The following RAPGEF2 variants were observed in gnomAD, a reference collection of about 807,000 sequenced individuals.
RAPGEF2 encodes PDZ domain containing guanine nucleotide exchange factor (GEF) 1.
In RAPGEF2, 54 loss-of-function variants were observed where a neutral mutation model predicts 186.7. The ratio of observed to expected loss-of-function variants is 0.29; its 90% confidence interval spans 0.23 to 0.36. The LOEUF (loss-of-function observed/expected upper bound fraction) is 0.36, where lower values mean the gene tolerates loss of function less well. RAPGEF2 is among the 10% of genes least tolerant of loss of function. The pLI is 1.00. For synonymous variants in RAPGEF2, 712 were observed against 705.9 expected, an observed-to-expected ratio of 1.01 and a Z score of -0.14; for missense variants, 1,532 against 2,045.0, an observed-to-expected ratio of 0.75 and a Z score of 4.84.
Position 159,186,979 on chromosome 4 carries a change from A to C in RAPGEF2, c.140+267A>C, listed in dbSNP as rs79757214. 9.8e-3 allele frequency among the ~76,000 whole-genome samples: 1,489 copies of C among 152,224 alleles called. 19 individuals are homozygous for C. The highest frequency in any genetic ancestry group is 0.034 in the African/African-American group (1,412 of 41,534). ...TTGAGCTATTTGAAAATACACCACA[A>C]ATTGTTGTTAATGATATTACCCTAT... On this transcript the variant is annotated intron_variant, in intron 2 of 29. Transcript: ENST00000691494.
At chr4:159,238,771 A>C in intron 4 of RAPGEF2, 38 bp from the exon 5 acceptor site, 3 of 1,360,842 alleles carry the variant, frequency 2.2e-6, no homozygotes, top group Non-Finnish European at 3.0e-6. Flanking sequence ...TAAATCTCTG[A>C]GGTTCTCCTC....
In RAPGEF2 at chr4:159,131,214, G is replaced by A. The variant is rs189964724; in HGVS notation, c.69+26983G>A. 5.9e-5 allele frequency among the ~76,000 whole-genome samples: 9 copies of A among 152,198 alleles called. 1 individual carries two copies. The East Asian group carries it at 1.7e-3, about 29-fold the overall frequency. On this transcript the variant is annotated intron_variant, in intron 1 of 29. Transcript: ENST00000691494. ...CAACCTCCGCCTCCTAGGTTCAAGC[G>A]ATTCTGCTGCCTCATCTTCCTGAAT...
chr4:159,296,861 T>G (rs1208864852), intron 7 of RAPGEF2, among the ~76,000 whole-genome samples: 2 of 152,234 alleles, frequency 1.3e-5, no homozygotes, highest in East Asian at 1.9e-4. Flanking sequence ...TCCTTTCTAC[T>G]CAATGCTTTC....
rs558763265 is a variant in RAPGEF2 at position 159,352,776 on chromosome 4, G to T, written c.3957G>T (p.Ser1319=). 8.1e-6 allele frequency: 13 copies of T among 1,614,022 alleles called. No homozygotes were observed. Among genetic ancestry groups the T allele is most frequent in the Non-Finnish European group, 1.1e-5 (13 of 1,180,012 alleles). The change falls in exon 27 of 30, where the codon TCG becomes TCT. Residue 1319 remains serine, a synonymous_variant. Transcript: ENST00000691494. ...ISSRSSIVSN[S]SFDSVPVSLH... is the part of the protein sequence containing the mutation. ...CACGATCCAGTATTGTTAGCAATTC[G>T]TCTTTTGACTCAGTGCCAGTCTCAC...
intron 24 of RAPGEF2, among the ~76,000 whole-genome samples, chr4:159,346,530 G>A (rs533085064): frequency 6.6e-6 from 1 of 151,902 alleles, no homozygotes; most frequent in African/African-American, 2.4e-5. Context: ...TTTTTAATGG[G>A]GTGTTTAATA....
intron 13 of RAPGEF2, 49 bp from the exon 14 acceptor site, chr4:159,331,382 C>T (rs1333297181): frequency 2.6e-6 from 3 of 1,135,308 alleles, no homozygotes; most frequent in East Asian, 2.4e-5. Flanking sequence ...ATTTTAATCA[C>T]ATTTTTGGCA....
intron 1 of RAPGEF2, among the ~76,000 whole-genome samples, chr4:159,113,816 TA>T (rs1290661778): frequency 6.6e-6 from 1 of 151,958 alleles, no homozygotes; most frequent in Non-Finnish European, 1.5e-5. Context: ...TAGTACCTTT[TA>T]AGTGAATATT....
At chr4:159,142,301 A>G (rs1451916436) in intron 1 of RAPGEF2, among the ~76,000 whole-genome samples, 2 of 152,188 alleles carry the variant, frequency 1.3e-5, no homozygotes, top group Admixed American at 6.5e-5. Flanking sequence ...TTTCTTGTGT[A>G]TGTTAAACCT....
At chr4:159,121,440 C>T (rs1407116758) in intron 1 of RAPGEF2, among the ~76,000 whole-genome samples, 2 of 151,764 alleles carry the variant, frequency 1.3e-5, no homozygotes, top group Non-Finnish European at 2.9e-5. Flanking sequence ...GATCACAGCT[C>T]ATTGCAGCCT....
chr4:159,219,545 C>T lies in RAPGEF2; in HGVS notation c.281+8962C>T, dbSNP rs561284062. 3.8e-4 allele frequency among the ~76,000 whole-genome samples: 58 copies of T among 151,954 alleles called. No homozygotes were observed. In the East Asian group the frequency reaches 5.2e-3, roughly 14 times the overall value. ...TAATTTTTTGTATTTTTAGTAGAGA[C>T]GGGGTTTCACCGTGTTAGCCAGGAT... is the stretch of plus-strand genomic sequence containing the variant. On this transcript the variant is annotated intron_variant, in intron 4 of 29. Coordinates refer to ENST00000691494, the MANE Select transcript of RAPGEF2 (RefSeq NM_001394067.2).
chr4:159,190,415 A>C (rs1747995359), intron 2 of RAPGEF2, among the ~76,000 whole-genome samples: 1 of 152,190 alleles, frequency 6.6e-6, no homozygotes, highest in African/African-American at 2.4e-5. Flanking sequence ...TGCTAGATTT[A>C]ACAGGAGAGA....
At chr4:159,210,110 G>A (rs1247270116) in intron 3 of RAPGEF2, among the ~76,000 whole-genome samples, 1 of 152,120 alleles carries the variant, frequency 6.6e-6, no homozygotes, top group African/African-American at 2.4e-5. Flanking sequence ...AAGAAATAGT[G>A]GAGAAATGTG....
At position 159,131,521 on chromosome 4, in the gene RAPGEF2, T is replaced by TCG. The variant is rs1553997068; in HGVS notation, c.69+27290_69+27291insCG. On this transcript the variant is annotated intron_variant, in intron 1 of 29. Transcript: ENST00000691494. ...ATATCTTTGTCTGATTAATTGCTAT[T>TCG]TTTTTTTTTTTTTTTTTTTTTTTTT... 2.4e-5 allele frequency among the ~76,000 whole-genome samples: 2 copies of TCG among 84,134 alleles called. 1 individual carries two copies. The highest frequency in any genetic ancestry group is 4.2e-5 in the Non-Finnish European group (2 of 48,122). 55.2% of individuals were successfully genotyped at this position (84,134 alleles called of 152,430 possible).
At chr4:159,204,918 C>T (rs528454603) in intron 3 of RAPGEF2, among the ~76,000 whole-genome samples, 3 of 152,082 alleles carry the variant, frequency 2.0e-5, no homozygotes, top group Admixed American at 1.3e-4. Flanking sequence ...CTGGTAGTGT[C>T]AGGTTATTTG....
intron 11 of RAPGEF2, chr4:159,329,096 A>G (rs1347249627): frequency 2.0e-5 from 3 of 151,992 alleles, no homozygotes; most frequent in Non-Finnish European, 4.4e-5. Context: ...CTCCTCACTG[A>G]CCTCTAGTTA....
intron 1 of RAPGEF2, among the ~76,000 whole-genome samples, chr4:159,120,479 C>G (rs529382800): frequency 6.6e-6 from 1 of 152,154 alleles, no homozygotes; most frequent in Non-Finnish European, 1.5e-5. Flanking sequence ...AGCTTTGATA[C>G]TAAAACTTCT....
intron 1 of RAPGEF2, among the ~76,000 whole-genome samples, chr4:159,156,125 CTG>C (rs1382112263): frequency 3.3e-5 from 5 of 152,160 alleles, no homozygotes; most frequent in African/African-American, 9.7e-5. Context: ...TTTTACAAAT[CTG>C]TAATCATCCT....
intron 4 of RAPGEF2, among the ~76,000 whole-genome samples, chr4:159,220,570 T>C (rs960561531): frequency 6.6e-6 from 1 of 152,180 alleles, no homozygotes; most frequent in African/African-American, 2.4e-5. Context: ...TCCAACACGC[T>C]CTACAGTTAC....
At chr4:159,286,389 T>G (rs1435230716) in intron 7 of RAPGEF2, among the ~76,000 whole-genome samples, 1 of 152,158 alleles carries the variant, frequency 6.6e-6, no homozygotes, top group African/African-American at 2.4e-5. Flanking sequence ...TAATAGTACT[T>G]GTACTATTCC....
Sources: gnomAD v4.1 joint callset for allele counts (sites outside exome capture counted in the v4.1 genomes callset) on GRCh38, gnomAD v4.1.1 for gene constraint, MANE v1.5 for transcripts, NCBI Gene and HGNC (gene_info 2026-07-23, HGNC 2026-07-21) for gene names.